Variants in GOLGA3 observed in about 807,000 individuals in gnomAD.
The protein encoded by GOLGA3 is golgin subfamily A member 3.
Under a neutral mutation model 169.4 loss-of-function variants are expected in GOLGA3, and 75 were observed. That is an observed-to-expected ratio of 0.44 (90% CI 0.37 to 0.54). GOLGA3 has a LOEUF of 0.54. Ranked by LOEUF, GOLGA3 falls within the 20% of genes least tolerant of loss-of-function variation. The pLI is 0.00. For missense variants in GOLGA3, 1,899 were observed against 1,930.0 expected (o/e 0.98, Z 0.30); for synonymous variants, 824 against 822.4 (o/e 1.00, Z -0.03).
chr12:132,786,310 C>G (rs201470491), intron 15 of GOLGA3, 29 bp downstream of exon 15: 94 of 1,492,164 alleles, frequency 6.3e-5, no homozygotes, highest in Non-Finnish European at 8.3e-5. Flanking sequence ...GCTGGTGACC[C>G]TGGCCGGGGA....
At chr12:132,815,276 A>T (rs1369234468) in intron 3 of GOLGA3, among the ~76,000 whole-genome samples, 1 of 152,228 alleles carries the variant, frequency 6.6e-6, no homozygotes, top group Non-Finnish European at 1.5e-5. Flanking sequence ...GGTTTCAACC[A>T]AACACTGACG....
rs2045162548 is a variant in GOLGA3 at position 132,775,285 on chromosome 12, C to G, written c.3999G>C (p.Glu1333Asp). The change falls in exon 22 of 24, where the codon GAG (glutamate) becomes GAC (aspartate). Residue 1333 changes from glutamate (E) to aspartate (D), a missense_variant. Physicochemically the swap from Glu to Asp is conservative, Grantham distance 45. Coordinates refer to ENST00000450791, the MANE Select transcript of GOLGA3 (RefSeq NM_001389683.1). The part of the protein sequence containing the change: ...QLLQNVKSEL[E>D]MAQEDLSMTQ... Reference sequence around the variant, plus strand: ...TCATGGACAGGTCTTCCTGGGCCATCTCCAACTCAGACTTGACGTTCTGTG... The same window carrying G: ...TCATGGACAGGTCTTCCTGGGCCATGTCCAACTCAGACTTGACGTTCTGTG... 6.2e-7 allele frequency: 1 copy of G among 1,610,484 alleles called. No individual in the cohort carries two copies. Among genetic ancestry groups the G allele is most frequent in the African/African-American group, 1.3e-5 (1 of 74,882 alleles).
In GOLGA3 at chr12:132,773,090, G is replaced by GC; in HGVS notation, c.*14dup. 1 of 1,531,684 alleles carries GC rather than the reference G, an allele frequency of 6.5e-7. No individual in the cohort carries two copies. Among genetic ancestry groups the GC allele is most frequent in the Non-Finnish European group, 8.8e-7 (1 of 1,131,770 alleles). The allele number at this position is 1,531,684 out of a possible 1,614,324, so 94.9% of individuals were successfully genotyped here. A position where few individuals can be genotyped will look rare whatever the true frequency, so the allele number is the denominator to read the frequency against. ...CCTTCTGGGGCAGCGGCGCACGGAG[G>GC]CGAGTCCACAGCAGTCACTCTCCCG... On this transcript the variant is annotated 3_prime_UTR_variant, in exon 24 of 24. Coordinates refer to ENST00000450791, the MANE Select transcript of GOLGA3 (RefSeq NM_001389683.1).
Position 132,774,176 on chromosome 12 carries a change from T to C in GOLGA3, c.4288A>G (p.Ser1430Gly). ...TCGTACTTGAGCTGCTGGAGGCAGC[T>C]GTTCAGGTTCTTGAGGGGCTCCTTG... The part of the protein sequence containing the change: ...VSKEPLKNLN[S>G]CLQQLKQEMD... Residue 1430 changes from serine to glycine, a missense_variant, in exon 23 of 24, where the codon AGC becomes GGC. Physicochemically the swap from Ser to Gly is moderately conservative, Grantham distance 56 (BLOSUM62 0). Transcript: ENST00000450791. 1 of 1,604,916 alleles carries C rather than the reference T, an allele frequency of 6.2e-7. No homozygotes were observed. The highest frequency in any genetic ancestry group is 8.5e-7 in the Non-Finnish European group (1 of 1,174,688).
chr12:132,821,849 G>C, intron 2 of GOLGA3, 147 bp downstream of exon 2: 2 of 523,130 alleles, frequency 3.8e-6, no homozygotes, highest in Non-Finnish European at 6.3e-6. Flanking sequence ...GCGAGACTCC[G>C]TCTCAAAAAA....
chr12:132,814,280 T>C lies in GOLGA3; in HGVS notation c.407-861A>G, dbSNP rs151057040. ...CTGAGGTGATCCGCCCACCTCGGCC[T>C]CTCAAAGTGCTGAGATTATGGGCCT... On this transcript the variant is annotated intron_variant, in intron 3 of 23. Transcript: ENST00000450791. Among the ~76,000 whole-genome samples the C allele has an allele frequency of 3.3e-3, 504 of 152,194 alleles. 2 individuals are homozygous for C. The highest frequency in any genetic ancestry group is 0.012 in the African/African-American group (483 of 41,530).
At chr12:132,818,467 G>A (rs914397993) in intron 2 of GOLGA3, among the ~76,000 whole-genome samples, 3 of 152,160 alleles carry the variant, frequency 2.0e-5, no homozygotes, top group African/African-American at 7.2e-5. Flanking sequence ...CACCATGTTG[G>A]CCAGTCTGGT....
intron 11 of GOLGA3, among the ~76,000 whole-genome samples, chr12:132,793,759 G>A (rs1343025489): frequency 6.6e-6 from 1 of 152,146 alleles, no homozygotes; most frequent in African/African-American, 2.4e-5. Context: ...GCTCCATACA[G>A]ACCCACGGCA....
chr12:132,782,162 C>T (rs2045641877), intron 17 of GOLGA3, 134 bp downstream of exon 17: 3 of 845,930 alleles, frequency 3.5e-6, no homozygotes, highest in Non-Finnish European at 6.0e-6. Flanking sequence ...GACTCCTGAG[C>T]CTGTTCTCTC....
chr12:132,774,939 C>T (rs778375930), intron 22 of GOLGA3: 38 of 569,714 alleles, frequency 6.7e-5, no homozygotes, highest in African/African-American at 5.0e-4. Context: ...ATTCACAGAA[C>T]GAGGAAAACA....
chr12:132,815,929 T>C (rs1949936498), intron 3 of GOLGA3, among the ~76,000 whole-genome samples: 1 of 152,186 alleles, frequency 6.6e-6, no homozygotes. Context: ...CTGGGCCTGG[T>C]GGCTCACGCC....
intron 16 of GOLGA3, among the ~76,000 whole-genome samples, chr12:132,783,025 G>A (rs1228575327): frequency 6.6e-6 from 1 of 152,164 alleles, no homozygotes; most frequent in Non-Finnish European, 1.5e-5. Flanking sequence ...ATGAAACCCT[G>A]TCTCTACCAA....
chr12:132,802,521 A>T (rs1278343657), intron 7 of GOLGA3, among the ~76,000 whole-genome samples: 1 of 152,062 alleles, frequency 6.6e-6, no homozygotes, highest in Non-Finnish European at 1.5e-5. Flanking sequence ...GCCACTTGGG[A>T]GGCTGAGGCG....
At position 132,773,271 on chromosome 12, in the gene GOLGA3, C is replaced by T. The variant is rs888273119; in HGVS notation, c.4331G>A (p.Arg1444His). 8 of 1,446,164 alleles carry T rather than the reference C, an allele frequency of 5.5e-6. No homozygotes were observed. The highest frequency in any genetic ancestry group is 7.4e-6 in the Non-Finnish European group (8 of 1,087,916). The allele number at this position is 1,446,164 out of a possible 1,614,324, so 89.6% of individuals were successfully genotyped here. The change falls in exon 24 of 24, where the codon CGC becomes CAC. Residue 1444 changes from arginine (R) to histidine (H), a missense_variant. Physicochemically the swap from Arg to His is conservative, Grantham distance 29. Transcript: ENST00000450791. ...CGTCAGGGCGTGCTCCTCCATCTGGCGCTGCAGGCTGTCCATCTCCTGCCT... is the reference window on the plus strand; with the variant it reads ...CGTCAGGGCGTGCTCCTCCATCTGGTGCTGCAGGCTGTCCATCTCCTGCCT... The part of the protein sequence containing the change: ...QLKQEMDSLQ[R>H]QMEEHALTVH...
intron 4 of GOLGA3, 126 bp from the exon 5 acceptor site, chr12:132,808,675 C>G (rs1949548170): frequency 9.1e-6 from 7 of 770,704 alleles, no homozygotes; most frequent in Middle Eastern, 3.4e-4. Context: ...CACCACCTCC[C>G]CAGCCCCTCA....
intron 3 of GOLGA3, among the ~76,000 whole-genome samples, chr12:132,814,179 G>A (rs985646467): frequency 5.9e-5 from 9 of 151,362 alleles, no homozygotes; most frequent in Non-Finnish European, 8.8e-5. Context: ...CATGCAACAC[G>A]ACCCCTGACG....
chr12:132,827,640 G>A (rs1019909820), intron 1 of GOLGA3: 1 of 151,882 alleles, frequency 6.6e-6, no homozygotes, highest in African/African-American at 2.4e-5. Context: ...AGGCAATCGG[G>A]GGAAAAAAAG....
Position 132,785,514 on chromosome 12 carries a change from T to C in GOLGA3, c.3123+825A>G, listed in dbSNP as rs137855840. Among the ~76,000 whole-genome samples, 505 of 152,236 alleles carry C rather than the reference T, an allele frequency of 3.3e-3. 3 individuals carry two copies. Among genetic ancestry groups the C allele is most frequent in the Non-Finnish European group, 3.5e-3 (238 of 68,022 alleles). Reference sequence around the variant, plus strand: ...TATTTGTAAATACAGGGTCTAATTATGTTGCCCAGGCTGGTCTCAAACTCC... The same window carrying C: ...TATTTGTAAATACAGGGTCTAATTACGTTGCCCAGGCTGGTCTCAAACTCC... On this transcript the variant is annotated intron_variant, in intron 15 of 23. Coordinates refer to ENST00000450791, the MANE Select transcript of GOLGA3 (RefSeq NM_001389683.1).
In GOLGA3 at chr12:132,816,562, A is replaced by T; in HGVS notation, c.384T>A (p.Leu128=). ...TACACAGTTGCGTTTCTTGCATAGG[A>T]AGACTGAGTCTGAGAGACTGCAAAG... ...KEALQSLRLS[L]PMQETQLCST... is the part of the protein sequence containing the mutation. Residue 128 remains leucine (L), a synonymous_variant, in exon 3 of 24, where the codon CTT becomes CTA. Coordinates refer to ENST00000450791, the MANE Select transcript of GOLGA3 (RefSeq NM_001389683.1). 1 of 1,613,570 alleles carries T rather than the reference A, an allele frequency of 6.2e-7. No individual in the cohort carries two copies. The highest frequency in any genetic ancestry group is 8.5e-7 in the Non-Finnish European group (1 of 1,179,664).
Sources: gnomAD v4.1 joint callset for allele counts (sites outside exome capture counted in the v4.1 genomes callset) on GRCh38, gnomAD v4.1.1 for gene constraint, MANE v1.5 for transcripts, NCBI Gene and HGNC (gene_info 2026-07-23, HGNC 2026-07-21) for gene names.